CACNA2D3: variants seen among roughly 807,000 people sequenced by gnomAD.
CACNA2D3 encodes calcium voltage-gated channel auxiliary subunit alpha2delta 3.
CACNA2D3 carries 60 observed loss-of-function variants against 160.6 expected under a neutral mutation model. The ratio of observed to expected loss-of-function variants is 0.37; its 90% CI spans 0.30 to 0.46. CACNA2D3 has a LOEUF of 0.46. Among genes scored for constraint, CACNA2D3 ranks in the 20% least tolerant of loss-of-function variants. The probability of loss-of-function intolerance (pLI) is 1.00; values close to 1 mark genes in which losing one functional copy is unlikely to be tolerated. For missense variants in CACNA2D3, 1,205 were observed against 1,365.0 expected (o/e 0.88, Z 1.85); for synonymous variants, 558 against 492.9 (o/e 1.13, Z -1.75).
intron 4 of CACNA2D3, among the ~76,000 whole-genome samples, chr3:54,462,142 C>A (rs944695459): frequency 6.6e-6 from 1 of 151,966 alleles, no homozygotes; most frequent in Non-Finnish European, 1.5e-5. Context: ...GTCTGAGAGA[C>A]AGCTTGTTAT....
At chr3:54,300,351 C>T (rs955016819) in intron 2 of CACNA2D3, among the ~76,000 whole-genome samples, 11 of 152,240 alleles carry the variant, frequency 7.2e-5, no homozygotes, top group African/African-American at 2.2e-4. Flanking sequence ...GTCTCTGCCA[C>T]GTGGCATATT....
At chr3:54,726,137 A>G (rs1391028369) in intron 11 of CACNA2D3, among the ~76,000 whole-genome samples, 1 of 152,214 alleles carries the variant, frequency 6.6e-6, no homozygotes, top group Non-Finnish European at 1.5e-5. Context: ...AGAGAGCCAA[A>G]TCATGAGTGA....
chr3:54,931,123 C>G (rs1201629494), intron 27 of CACNA2D3, among the ~76,000 whole-genome samples: 1 of 152,138 alleles, frequency 6.6e-6, no homozygotes, highest in South Asian at 2.1e-4. Context: ...AAAGTGGCAT[C>G]TCTTACTAGC....
At chr3:54,765,410 T>C (rs976008651) in intron 13 of CACNA2D3, among the ~76,000 whole-genome samples, 2 of 152,194 alleles carry the variant, frequency 1.3e-5, no homozygotes, top group Non-Finnish European at 2.9e-5. Flanking sequence ...AGATGAATGT[T>C]GAGCTGAAAA....
At chr3:54,643,414 G>C (rs1435219568) in intron 11 of CACNA2D3, among the ~76,000 whole-genome samples, 1 of 152,010 alleles carries the variant, frequency 6.6e-6, no homozygotes, top group Non-Finnish European at 1.5e-5. Flanking sequence ...GTCCCCAAAT[G>C]GGTGCCAACT....
At chr3:54,503,800 G>A in intron 5 of CACNA2D3, 146 bp downstream of exon 5, 2 of 681,626 alleles carry the variant, frequency 2.9e-6, no homozygotes, top group Non-Finnish European at 2.5e-6. Context: ...GGTATCAACT[G>A]GATAGGTGAA....
chr3:54,367,946 A>G (rs1045848773), intron 3 of CACNA2D3, among the ~76,000 whole-genome samples: 10 of 152,142 alleles, frequency 6.6e-5, no homozygotes, highest in Non-Finnish European at 2.9e-5. Context: ...CCTGTGGCTT[A>G]TAATATTAGT....
chr3:54,496,195 A>G (rs1701199766), intron 4 of CACNA2D3, among the ~76,000 whole-genome samples: 1 of 152,214 alleles, frequency 6.6e-6, no homozygotes, highest in South Asian at 2.1e-4. Context: ...GTCATATGGT[A>G]GATATATGTT....
chr3:54,332,970 C>A (rs1452065378), intron 3 of CACNA2D3, among the ~76,000 whole-genome samples: 3 of 152,138 alleles, frequency 2.0e-5, no homozygotes, highest in South Asian at 4.2e-4. Context: ...CCCAGGGAAC[C>A]CAGGGAGTGA....
intron 2 of CACNA2D3, among the ~76,000 whole-genome samples, chr3:54,304,966 T>A (rs1451964131): frequency 6.6e-6 from 1 of 152,184 alleles, no homozygotes; most frequent in Non-Finnish European, 1.5e-5. Flanking sequence ...TTGTATAATT[T>A]GCATCTGTAT....
intron 11 of CACNA2D3, among the ~76,000 whole-genome samples, chr3:54,714,222 T>C (rs1367589594): frequency 6.6e-6 from 1 of 152,164 alleles, no homozygotes; most frequent in Non-Finnish European, 1.5e-5. Flanking sequence ...ACAAGGGCGC[T>C]ATTGTTTGCA....
chr3:54,637,947 T>G (rs1181787952), intron 10 of CACNA2D3: 1 of 152,072 alleles, frequency 6.6e-6, no homozygotes, highest in Non-Finnish European at 1.5e-5. Context: ...GTGTAGCAAG[T>G]TCCTGGGGGA....
chr3:54,579,567 G>T (rs146527357), intron 8 of CACNA2D3, among the ~76,000 whole-genome samples: 1 of 152,308 alleles, frequency 6.6e-6, no homozygotes, highest in African/African-American at 2.4e-5. Flanking sequence ...ATGAAAGGTC[G>T]TGTCCAACAA....
At chr3:54,910,621 T>TGGAGGG (rs1700536324) in intron 27 of CACNA2D3, among the ~76,000 whole-genome samples, 1 of 152,134 alleles carries the variant, frequency 6.6e-6, no homozygotes, top group Non-Finnish European at 1.5e-5. Context: ...GCCCCAGGGT[T>TGGAGGG]CTCCACCTGT....
intron 5 of CACNA2D3, among the ~76,000 whole-genome samples, chr3:54,556,686 T>C (rs768418742): frequency 1.3e-5 from 2 of 152,164 alleles, no homozygotes; most frequent in Non-Finnish European, 2.9e-5. Context: ...CAAAGGGGTC[T>C]TTTAAACAGA....
intron 4 of CACNA2D3, among the ~76,000 whole-genome samples, chr3:54,421,019 T>C (rs1699828835): frequency 6.6e-6 from 1 of 152,224 alleles, no homozygotes; most frequent in Non-Finnish European, 1.5e-5. Flanking sequence ...GGTTACAGCA[T>C]GGTGTCCTGT....
chr3:54,250,675 G>C (rs1245218327), intron 2 of CACNA2D3, among the ~76,000 whole-genome samples: 1 of 152,128 alleles, frequency 6.6e-6, no homozygotes, highest in East Asian at 1.9e-4. Context: ...GGCTCAAGCA[G>C]TCTTCCCTCC....
At chr3:54,471,686 C>T (rs943516878) in intron 4 of CACNA2D3, among the ~76,000 whole-genome samples, 3 of 151,782 alleles carry the variant, frequency 2.0e-5, no homozygotes, top group African/African-American at 4.8e-5. Flanking sequence ...AGAGAAGAAT[C>T]GAGTAGACAT....
rs2107239189 is a variant in CACNA2D3, at chr3:54,122,770, T to C, written c.57T>C (p.Ala19=). The C allele has an allele frequency of 8.2e-6, 10 of 1,226,954 alleles. No individual in the cohort carries two copies. The highest frequency in any genetic ancestry group is 9.2e-6 in the Non-Finnish European group (9 of 981,100). The allele number at this position is 1,226,954 out of a possible 1,614,324, so 76.0% of individuals were successfully genotyped here. ...CCCGGGGGGCCTCGGCGCTTCTCGC[T>C]GCCGCGCTTCTCTACGCCGCGCTGG... ...RASRGASALL[A]AALLYAALGD... Residue 19 remains alanine, a synonymous_variant, in exon 1 of 38, where the codon GCT becomes GCC. Transcript: ENST00000474759.
Sources: gnomAD v4.1 joint callset for allele counts (sites outside exome capture counted in the v4.1 genomes callset) on GRCh38, gnomAD v4.1.1 for gene constraint, MANE v1.5 for transcripts, NCBI Gene and HGNC (gene_info 2026-07-23, HGNC 2026-07-21) for gene names.